The following GPC5 variants were observed in gnomAD, a reference collection of about 807,000 sequenced individuals.
GPC5 encodes the protein glypican 5, also known as glypican-5.
Under a neutral mutation model 53.9 loss-of-function variants are expected in GPC5, and 47 were observed. That is an observed-to-expected ratio of 0.87 (90% CI 0.69 to 1.11). The LOEUF is 1.11. Ranked by LOEUF, GPC5 falls within the 50% of genes most tolerant of loss-of-function variation. The probability of loss-of-function intolerance (pLI) is 0.00; values close to 1 mark genes in which losing one functional copy is unlikely to be tolerated. For missense variants in GPC5, 748 were observed against 713.1 expected, an observed-to-expected ratio of 1.05 and a Z score of -0.56; for synonymous variants, 286 against 263.3, an observed-to-expected ratio of 1.09 and a Z score of -0.84.
intron 7 of GPC5, among the ~76,000 whole-genome samples, chr13:92,415,051 A>C (rs1481251130): frequency 6.6e-6 from 1 of 152,196 alleles, no homozygotes; most frequent in Non-Finnish European, 1.5e-5. Flanking sequence ...TGGGAGGAGA[A>C]GCGTGCACCT....
chr13:91,689,959 C>T (rs1268668921), intron 2 of GPC5, among the ~76,000 whole-genome samples: 1 of 152,160 alleles, frequency 6.6e-6, no homozygotes, highest in African/African-American at 2.4e-5. Context: ...ATGTACTGTA[C>T]ATACTTGCAT....
At chr13:92,469,253 G>A (rs1277521834) in intron 7 of GPC5, among the ~76,000 whole-genome samples, 2 of 151,684 alleles carry the variant, frequency 1.3e-5, no homozygotes, top group Non-Finnish European at 2.9e-5. Context: ...CTGTCACCCA[G>A]GCTGGAGTGC....
intron 2 of GPC5, among the ~76,000 whole-genome samples, chr13:91,690,376 T>C (rs760458970): frequency 2.0e-5 from 3 of 152,116 alleles, no homozygotes; most frequent in Non-Finnish European, 2.9e-5. Context: ...TACTCTAAAA[T>C]CAAATAAAAA....
At chr13:92,128,979 T>C (rs1407033166) in intron 6 of GPC5, among the ~76,000 whole-genome samples, 1 of 151,854 alleles carries the variant, frequency 6.6e-6, no homozygotes, top group Admixed American at 6.6e-5. Flanking sequence ...AAAATAAAAG[T>C]AAAATAAAAT....
intron 5 of GPC5, among the ~76,000 whole-genome samples, chr13:91,828,810 T>C (rs546664048): frequency 6.6e-6 from 1 of 151,828 alleles, no homozygotes; most frequent in East Asian, 1.9e-4. Flanking sequence ...AATGAATCAA[T>C]GAGAGAAAAG....
intron 7 of GPC5, among the ~76,000 whole-genome samples, chr13:92,451,166 G>T (rs1196476767): frequency 1.3e-5 from 2 of 151,912 alleles, no homozygotes; most frequent in African/African-American, 2.4e-5. Context: ...TTCTTTTTCA[G>T]GTCCTACCAG....
At chr13:91,900,287 T>A (rs1408409756) in intron 5 of GPC5, among the ~76,000 whole-genome samples, 3 of 152,152 alleles carry the variant, frequency 2.0e-5, no homozygotes, top group Non-Finnish European at 2.9e-5. Context: ...TTTAATTTAT[T>A]AGTACTCAGA....
At chr13:92,493,430 C>T (rs932356671) in intron 7 of GPC5, among the ~76,000 whole-genome samples, 1 of 152,126 alleles carries the variant, frequency 6.6e-6, no homozygotes, top group African/African-American at 2.4e-5. Flanking sequence ...TGCTTCTTAT[C>T]TACTTCAGTA....
chr13:92,351,598 AAAAG>A (rs1411886180), intron 7 of GPC5, among the ~76,000 whole-genome samples: 1 of 152,118 alleles, frequency 6.6e-6, no homozygotes, highest in Non-Finnish European at 1.5e-5. Context: ...TACAAAACAA[AAAAG>A]AATCCACCTA....
At chr13:92,114,178 C>T (rs115880588) in intron 6 of GPC5, among the ~76,000 whole-genome samples, 3 of 152,086 alleles carry the variant, frequency 2.0e-5, no homozygotes, top group African/African-American at 7.2e-5. Context: ...GAGCCTTCTC[C>T]TCCAGCTCTT....
At chr13:92,505,189 G>A (rs1880324944) in intron 7 of GPC5, among the ~76,000 whole-genome samples, 1 of 151,712 alleles carries the variant, frequency 6.6e-6, no homozygotes, top group South Asian at 2.1e-4. Context: ...ATTTTAAAGA[G>A]CATAGAAAGA....
rs192204657 is a variant in GPC5, at chr13:91,718,055, T to C, written c.1021-10477T>C. ...AAATGAAATGGTCAAATTTTGATTT[T>C]ACATGTCTAGAGATATTACTTAGCC... On this transcript the variant is annotated intron_variant, in intron 3 of 7. Transcript: ENST00000377067. 3.7e-3 allele frequency among the ~76,000 whole-genome samples: 567 copies of C among 152,326 alleles called. 9 individuals are homozygous for C. Among genetic ancestry groups the C allele is most frequent in the African/African-American group, 0.012 (513 of 41,568 alleles).
At chr13:91,626,240 A>C (rs2033997230) in intron 2 of GPC5, among the ~76,000 whole-genome samples, 1 of 152,176 alleles carries the variant, frequency 6.6e-6, no homozygotes, top group Non-Finnish European at 1.5e-5. Flanking sequence ...CACTGAACAC[A>C]AATCAATATC....
chr13:92,337,374 T>A (rs1029084726), intron 7 of GPC5, among the ~76,000 whole-genome samples: 1 of 152,122 alleles, frequency 6.6e-6, no homozygotes, highest in Admixed American at 6.6e-5. Context: ...TCTTCACAAC[T>A]GGATCGATTC....
intron 5 of GPC5, among the ~76,000 whole-genome samples, chr13:91,897,366 T>TGCGC (rs1164297016): frequency 1.5e-5 from 2 of 137,198 alleles, no homozygotes; most frequent in African/African-American, 5.3e-5. Flanking sequence ...TGTGTGTGTG[T>TGCGC]GTGCGCCTGT....
At chr13:92,182,016 A>G (rs573066944) in intron 7 of GPC5, among the ~76,000 whole-genome samples, 1 of 152,318 alleles carries the variant, frequency 6.6e-6, no homozygotes, top group East Asian at 1.9e-4. Flanking sequence ...GAGTATTGAG[A>G]GCTGGGTTGG....
chr13:91,975,295 C>A (rs1413475991), intron 6 of GPC5, among the ~76,000 whole-genome samples: 1 of 152,176 alleles, frequency 6.6e-6, no homozygotes, highest in East Asian at 1.9e-4. Flanking sequence ...TAAAGAGCTT[C>A]TGCACAGCAA....
chr13:91,713,712 G>A (rs2036277243), intron 3 of GPC5, among the ~76,000 whole-genome samples: 1 of 152,082 alleles, frequency 6.6e-6, no homozygotes, highest in African/African-American at 2.4e-5. Context: ...TGAACTCATG[G>A]TCTTGTCTCC....
At chr13:92,324,753 T>C (rs2043239091) in intron 7 of GPC5, among the ~76,000 whole-genome samples, 1 of 151,900 alleles carries the variant, frequency 6.6e-6, no homozygotes, top group Non-Finnish European at 1.5e-5. Context: ...CTTATTATTA[T>C]GTTAGTGACT....
Sources: allele counts gnomAD v4.1 joint callset (sites outside exome capture counted in the v4.1 genomes callset), GRCh38; gene constraint gnomAD v4.1.1; transcripts MANE v1.5; gene names NCBI Gene and HGNC (gene_info 2026-07-23, HGNC 2026-07-21).